NF1: variants seen among roughly 807,000 people sequenced by gnomAD.
NF1 encodes neurofibromin.
In NF1, 122 loss-of-function variants were observed where a neutral mutation model predicts 325.7. That is an observed-to-expected ratio of 0.37 (90% CI 0.32 to 0.44). The LOEUF is 0.44. NF1 is among the 20% of genes least tolerant of loss of function. The pLI is 1.00. For missense variants in NF1, 2,140 were observed against 3,415.4 expected, an observed-to-expected ratio of 0.63 and a Z score of 9.31; for synonymous variants, 1,091 against 1,186.0, an observed-to-expected ratio of 0.92 and a Z score of 1.65.
intron 8 of NF1, among the ~76,000 whole-genome samples, chr17:31,188,423 CTT>C (rs2066280054): frequency 6.6e-6 from 1 of 151,978 alleles, no homozygotes; most frequent in African/African-American, 2.4e-5. Context: ...GTATTGTTAA[CTT>C]TTAGTATTTG....
At chr17:31,294,094 A>G (rs1441068634) in intron 36 of NF1, among the ~76,000 whole-genome samples, 2 of 152,104 alleles carry the variant, frequency 1.3e-5, no homozygotes, top group East Asian at 1.9e-4. Flanking sequence ...GTCAGACCCA[A>G]TGATTTTATT....
intron 36 of NF1, among the ~76,000 whole-genome samples, chr17:31,323,587 A>G (rs894139376): frequency 1.3e-5 from 2 of 152,146 alleles, no homozygotes; most frequent in African/African-American, 4.8e-5. Context: ...TTGGGCAGTT[A>G]TGGTCTCTCC....
chr17:31,282,164 C>T (rs1006774979), intron 36 of NF1, among the ~76,000 whole-genome samples: 3 of 152,002 alleles, frequency 2.0e-5, no homozygotes, highest in East Asian at 1.9e-4. Context: ...AGGTGAATCC[C>T]GAGGTCAGGA....
intron 5 of NF1, 135 bp from the exon 6 acceptor site, chr17:31,181,287 A>T: frequency 1.3e-6 from 1 of 769,006 alleles, no homozygotes; most frequent in Non-Finnish European, 2.1e-6. Context: ...GGTTTATGTT[A>T]GGTGTCTTTA....
Position 31,181,490 on chromosome 17 carries a change from GT to G in NF1, c.654+2del. 6.2e-7 allele frequency: 1 copy of G among 1,613,254 alleles called. No homozygotes were observed. On this transcript the variant is annotated splice_donor_variant, in intron 6 of 57. Transcript: ENST00000358273. LOFTEE classifies it high-confidence loss of function. ...AGCAGTTATAAATAGCCTGGAAAAGGTAAGTTACAACCTCTCTGGTATTAAA... is the reference window on the plus strand; with the variant it reads ...AGCAGTTATAAATAGCCTGGAAAAGGAAGTTACAACCTCTCTGGTATTAAA...
intron 1 of NF1, among the ~76,000 whole-genome samples, chr17:31,142,920 A>AT (rs1567808817): frequency 9.2e-5 from 14 of 151,918 alleles, no homozygotes. Flanking sequence ...TTATTTACTG[A>AT]TCACTTACCT....
intron 36 of NF1, among the ~76,000 whole-genome samples, chr17:31,300,912 C>T (rs1390420357): frequency 6.6e-6 from 1 of 152,046 alleles, no homozygotes; most frequent in East Asian, 1.9e-4. Context: ...TATGTCTTTA[C>T]ATATGTTTAA....
intron 36 of NF1, among the ~76,000 whole-genome samples, chr17:31,308,747 C>T (rs2068795852): frequency 1.3e-5 from 2 of 152,118 alleles, no homozygotes; most frequent in Admixed American, 1.3e-4. Flanking sequence ...AACCCAAGTT[C>T]TCTGTGACTG....
At chr17:31,216,720 C>A (rs2066825258) in intron 13 of NF1, among the ~76,000 whole-genome samples, 1 of 152,084 alleles carries the variant, frequency 6.6e-6, no homozygotes, top group South Asian at 2.1e-4. Flanking sequence ...CCAAATAGAT[C>A]TACAGGGTCG....
chr17:31,247,193 CAAAAAA>C (rs10564306), intron 29 of NF1, among the ~76,000 whole-genome samples: 2 of 94,442 alleles, frequency 2.1e-5, no homozygotes, highest in African/African-American at 7.2e-5. Context: ...GACTCCATCT[CAAAAAA>C]AAAAAAAAAA....
chr17:31,179,760 G>A (rs2066091349), intron 5 of NF1, among the ~76,000 whole-genome samples: 1 of 151,646 alleles, frequency 6.6e-6, no homozygotes, highest in South Asian at 2.1e-4. Flanking sequence ...TCCAACCTGG[G>A]CGACAGAGCA....
At chr17:31,371,719 G>A (rs2070642866) in intron 57 of NF1, among the ~76,000 whole-genome samples, 1 of 152,234 alleles carries the variant, frequency 6.6e-6, no homozygotes, top group Non-Finnish European at 1.5e-5. Flanking sequence ...CAGATTTTCA[G>A]TGGTGGTTCA....
At chr17:31,147,836 T>C (rs1373874690) in intron 1 of NF1, among the ~76,000 whole-genome samples, 2 of 152,256 alleles carry the variant, frequency 1.3e-5, no homozygotes, top group Middle Eastern at 3.2e-3. Context: ...TTTAGCCTTT[T>C]TACCCTCTTC....
At chr17:31,275,449 A>G (rs927293874) in intron 36 of NF1, among the ~76,000 whole-genome samples, 29 of 152,200 alleles carry the variant, frequency 1.9e-4, no homozygotes, top group African/African-American at 6.5e-4. Flanking sequence ...TGCCATGTGC[A>G]TGTGCTTTTA....
At position 31,179,540 on chromosome 17, in the gene NF1, G is replaced by C. The variant is rs1275627301; in HGVS notation, c.587-1882G>C. On this transcript the variant is annotated intron_variant, in intron 5 of 57. Coordinates refer to ENST00000358273, the MANE Select transcript of NF1 (RefSeq NM_001042492.3). ...GCAGAACTGAAGGAGATAGAGACAC[G>C]AAAAACCTTTCAAAAAATCAATGAG... Among the ~76,000 whole-genome samples the C allele has an allele frequency of 3.9e-5, 6 of 152,096 alleles. No homozygotes were observed. The East Asian group carries it at 1.2e-3, about 29-fold the overall frequency.
intron 29 of NF1, among the ~76,000 whole-genome samples, chr17:31,238,329 C>T (rs1000754895): frequency 5.9e-5 from 9 of 152,220 alleles, no homozygotes; most frequent in African/African-American, 2.2e-4. Flanking sequence ...TTCTGTTATC[C>T]CTAGCAAAGG....
At position 31,181,865 on chromosome 17, in the gene NF1, A is replaced by G. The variant is rs116438514; in HGVS notation, c.730+80A>G. On this transcript the variant is annotated intron_variant, in intron 7 of 57. Transcript: ENST00000358273. ...ACATAAAAACCTATCATCGTTTTCC[A>G]AGTTATTTTTGTTATAAAGGTGCTT... 1,786 of 1,034,618 alleles carry G rather than the reference A, an allele frequency of 1.7e-3. 21 individuals carry two copies. The African/African-American group carries it at 0.026, about 15-fold the overall frequency. 64.1% of individuals were successfully genotyped at this position (1,034,618 alleles called of 1,614,324 possible).
At chr17:31,304,600 TCTG>T (rs772679332) in intron 36 of NF1, 2 of 1,614,162 alleles carry the variant, frequency 1.2e-6, no homozygotes, top group South Asian at 2.2e-5. Context: ...TGGAGGCAGA[TCTG>T]CATCATCTGA....
At chr17:31,298,292 G>A (rs559761913) in intron 36 of NF1, among the ~76,000 whole-genome samples, 2 of 152,160 alleles carry the variant, frequency 1.3e-5, no homozygotes, top group African/African-American at 4.8e-5. Flanking sequence ...GTGTAAATCT[G>A]TTAAAACACA....
Sources: allele counts gnomAD v4.1 joint callset (sites outside exome capture counted in the v4.1 genomes callset), GRCh38; gene constraint gnomAD v4.1.1; transcripts MANE v1.5; gene names NCBI Gene and HGNC (gene_info 2026-07-23, HGNC 2026-07-21).